Variants in ZNF423 observed in about 807,000 individuals in gnomAD.
ZNF423 encodes the protein Ebf-associated zinc finger protein.
In ZNF423, 12 loss-of-function variants were observed where a neutral mutation model predicts 95.8. That is an observed-to-expected ratio of 0.13 (90% CI 0.08 to 0.20). ZNF423 has a LOEUF of 0.20. Ranked by LOEUF, ZNF423 falls within the 10% of genes least tolerant of loss-of-function variation. ZNF423 has a pLI of 1.00. For missense variants in ZNF423, 1,316 were observed against 1,737.1 expected (o/e 0.76, Z 4.31); for synonymous variants, 749 against 711.9 (o/e 1.05, Z -0.83).
In ZNF423 at chr16:49,637,681, C is replaced by T. The variant is rs138661785; in HGVS notation, c.1495G>A (p.Asp499Asn). The T allele has an allele frequency of 1.6e-4, 263 of 1,614,102 alleles. No homozygotes were observed. Among genetic ancestry groups the T allele is most frequent in the Admixed American group, 8.8e-4 (53 of 60,018 alleles). The change falls in exon 4 of 8, where the codon GAC becomes AAC. Residue 499 changes from aspartate to asparagine, a missense_variant. Around this residue, in one of 6 missense-constraint regions of ZNF423, gnomAD observed 399 missense variants for 478.5 expected, o/e 0.83. Transcript: ENST00000563137. The surrounding 1 kb of genome is among the most constrained non-coding windows in gnomAD (Gnocchi z 5.6). ...HCNYCPEMFA[D>N]INSLQEHIRV... Reference sequence around the variant, plus strand: ...ATGTGCTCCTGCAGGCTATTGATGTCGGCGAACATCTCGGGGCAGTAGTTG... The same window carrying T: ...ATGTGCTCCTGCAGGCTATTGATGTTGGCGAACATCTCGGGGCAGTAGTTG...
chr16:49,848,335 C>T (rs1025643400), intron 1 of ZNF423, among the ~76,000 whole-genome samples: 19 of 152,196 alleles, frequency 1.2e-4, no homozygotes, highest in Admixed American at 4.6e-4. Flanking sequence ...TGAAGCCACC[C>T]TTTCCCCAAA....
chr16:49,695,058 C>A (rs2031917062), intron 3 of ZNF423, among the ~76,000 whole-genome samples: 1 of 152,166 alleles, frequency 6.6e-6, no homozygotes, highest in African/African-American at 2.4e-5. Flanking sequence ...GCTTCCATTC[C>A]CCAGTTCTGC....
rs185687251 is a variant in ZNF423, at chr16:49,490,944, T to A, written c.*331A>T. 3.6e-3 allele frequency: 988 copies of A among 274,392 alleles called. 14 individuals carry two copies. Among genetic ancestry groups the A allele is most frequent in the African/African-American group, 0.02 (941 of 45,936 alleles). The allele number at this position is 274,392 out of a possible 1,614,324, so 17.0% of individuals were successfully genotyped here. On this transcript the variant is annotated 3_prime_UTR_variant, in exon 8 of 8. Transcript: ENST00000563137. ...AAAAAAAATCACACTAATTCTTTTT[T>A]AAAAACTATCAATATAATACATGAA...
At chr16:49,503,977 T>C (rs922198851) in intron 7 of ZNF423, among the ~76,000 whole-genome samples, 13 of 152,222 alleles carry the variant, frequency 8.5e-5, no homozygotes, top group African/African-American at 2.9e-4. Flanking sequence ...CTGGGATGGA[T>C]CCTTTGAGGA....
At chr16:49,774,978 T>C (rs763006668) in intron 2 of ZNF423, among the ~76,000 whole-genome samples, 5 of 152,120 alleles carry the variant, frequency 3.3e-5, no homozygotes, top group Non-Finnish European at 7.4e-5. Context: ...ACCCATTCAA[T>C]TGCACTTAAC....
At chr16:49,546,854 A>G (rs1474130389) in intron 5 of ZNF423, among the ~76,000 whole-genome samples, 1 of 152,176 alleles carries the variant, frequency 6.6e-6, no homozygotes, top group Non-Finnish European at 1.5e-5. Flanking sequence ...AGGCAAAGCA[A>G]GAGAGAAGAA....
chr16:49,711,774 T>G (rs1240098885), intron 3 of ZNF423: 1 of 151,868 alleles, frequency 6.6e-6, no homozygotes, highest in Non-Finnish European at 1.5e-5. Flanking sequence ...AACAAGGGGG[T>G]GGGGACAGCC....
intron 3 of ZNF423, among the ~76,000 whole-genome samples, chr16:49,691,382 G>A (rs1351598750): frequency 6.6e-6 from 1 of 152,202 alleles, no homozygotes; most frequent in African/African-American, 2.4e-5. Context: ...TCCTGGCTGG[G>A]TGATCGTGAG....
At chr16:49,698,459 C>G (rs1381402654) in intron 3 of ZNF423, among the ~76,000 whole-genome samples, 1 of 152,230 alleles carries the variant, frequency 6.6e-6, no homozygotes, top group Non-Finnish European at 1.5e-5. Context: ...CAACCATCCC[C>G]CGATCCGGCC....
At position 49,502,790 on chromosome 16, in the gene ZNF423, GACACAC is replaced by G. The variant is rs72202996; in HGVS notation, c.3850-11492_3850-11487del. Among the ~76,000 whole-genome samples, 665 of 135,336 alleles carry G rather than the reference GACACAC, an allele frequency of 4.9e-3. 9 individuals are homozygous for G. The highest frequency in any genetic ancestry group is 0.017 in the African/African-American group (585 of 33,936). 88.8% of individuals were successfully genotyped at this position (135,336 alleles called of 152,430 possible). On this transcript the variant is annotated intron_variant, in intron 7 of 7. Coordinates refer to ENST00000563137, the MANE Select transcript of ZNF423 (RefSeq NM_001379286.1). ...TGCATGCACACACACAAATACTCTA[GACACAC>G]ACACACACACACACACACACACCTG... is the stretch of plus-strand genomic sequence containing the variant.
At chr16:49,515,672 T>A (rs1303455758) in intron 7 of ZNF423, among the ~76,000 whole-genome samples, 2 of 152,214 alleles carry the variant, frequency 1.3e-5, no homozygotes, top group Non-Finnish European at 2.9e-5. Flanking sequence ...GAGAATTGTC[T>A]CTGGTACAAT....
chr16:49,613,040 G>A (rs1254844186), intron 5 of ZNF423, among the ~76,000 whole-genome samples: 2 of 149,104 alleles, frequency 1.3e-5, no homozygotes, highest in African/African-American at 4.9e-5. Context: ...TAAATAAATG[G>A]AGAAACATAC....
At chr16:49,838,272 C>T (rs1451504297) in intron 1 of ZNF423, among the ~76,000 whole-genome samples, 1 of 152,208 alleles carries the variant, frequency 6.6e-6, no homozygotes, top group African/African-American at 2.4e-5. Flanking sequence ...GCTGGAGTGC[C>T]TCCGTTCAAA....
At chr16:49,639,505 T>A (rs1333078177) in intron 3 of ZNF423, among the ~76,000 whole-genome samples, 2 of 152,142 alleles carry the variant, frequency 1.3e-5, no homozygotes, top group Non-Finnish European at 2.9e-5. Context: ...GACAGCAGAC[T>A]TCAGTGCTCA....
chr16:49,843,640 G>A (rs2035213840), intron 1 of ZNF423, among the ~76,000 whole-genome samples: 1 of 152,200 alleles, frequency 6.6e-6, no homozygotes. Context: ...CAAAGTCAGA[G>A]TATGTTTCCT....
At chr16:49,583,207 G>A (rs1389013715) in intron 5 of ZNF423, among the ~76,000 whole-genome samples, 1 of 152,192 alleles carries the variant, frequency 6.6e-6, no homozygotes, top group Non-Finnish European at 1.5e-5. Flanking sequence ...TGTGTTTGAG[G>A]CATTTTGGCC....
chr16:49,527,196 G>T (rs1968647000), intron 5 of ZNF423, among the ~76,000 whole-genome samples: 1 of 152,140 alleles, frequency 6.6e-6, no homozygotes, highest in African/African-American at 2.4e-5. Flanking sequence ...ACACAGGTGG[G>T]TCTGCCCCAC....
At chr16:49,589,042 A>T (rs1368029101) in intron 5 of ZNF423, among the ~76,000 whole-genome samples, 1 of 152,214 alleles carries the variant, frequency 6.6e-6, no homozygotes, top group Non-Finnish European at 1.5e-5. Context: ...CCTCCCCAGC[A>T]GCCCTCCTCT....
chr16:49,779,810 C>G, intron 2 of ZNF423, among the ~76,000 whole-genome samples: 1 of 152,206 alleles, frequency 6.6e-6, no homozygotes, highest in East Asian at 1.9e-4. Context: ...AGCACCCCAG[C>G]TTTGGAGAAA....
Sources: gnomAD v4.1 joint callset for allele counts (sites outside exome capture counted in the v4.1 genomes callset) on GRCh38, gnomAD v4.1.1 for gene constraint, gnomAD v4.1.1 regional missense constraint, Gnocchi (gnomAD v3.1) non-coding constraint, MANE v1.5 for transcripts, NCBI Gene and HGNC (gene_info 2026-07-23, HGNC 2026-07-21) for gene names.